The following STARD9 variants were observed in gnomAD, a reference collection of about 807,000 sequenced individuals.
STARD9 encodes StAR related lipid transfer domain containing 9, also known as stAR-related lipid transfer protein 9.
Under a neutral mutation model 399.8 loss-of-function variants are expected in STARD9, and 346 were observed. The ratio of observed to expected loss-of-function variants is 0.87; its 90% CI spans 0.79 to 0.95. The LOEUF is 0.95. Among genes scored for constraint, STARD9 ranks in the 40% least tolerant of loss-of-function variants. The pLI, the probability that STARD9 is intolerant of heterozygous loss-of-function variation, is 0.00. For synonymous variants in STARD9, 2,203 were observed against 2,143.5 expected (o/e 1.03, Z -0.77); for missense variants, 5,832 against 5,667.5 (o/e 1.03, Z -0.93).
At position 42,689,226 on chromosome 15, in the gene STARD9, G is replaced by C; in HGVS notation, c.7648G>C (p.Ala2550Pro). 6.5e-7 allele frequency: 1 copy of C among 1,537,282 alleles called. No homozygotes were observed. Among genetic ancestry groups the C allele is most frequent in the Non-Finnish European group, 8.7e-7 (1 of 1,146,924 alleles). ...CTCTGACCATGCATCCATGTGCCTG[G>C]CCATCTTGGAGGAGATCAGACAGGC... ...EPSDHASMCL[A>P]ILEEIRQAKA... The change falls in exon 23 of 33, where the codon GCC becomes CCC. Residue 2550 changes from alanine (A) to proline (P), a missense_variant. Physicochemically the swap from Ala to Pro is conservative, Grantham distance 27 (BLOSUM62 -1). Transcript: ENST00000290607.
chr15:42,718,384 G>A, intron 30 of STARD9, 51 bp from the exon 31 acceptor site: 1 of 1,450,930 alleles, frequency 6.9e-7, no homozygotes, highest in Non-Finnish European at 9.4e-7. Context: ...AAGGCTTTAG[G>A]ACTAGGTCTG....
chr15:42,661,014 T>G (rs2059984013), intron 9 of STARD9, 144 bp from the exon 10 acceptor site: 1 of 569,372 alleles, frequency 1.8e-6, no homozygotes, highest in Non-Finnish European at 3.1e-6. Flanking sequence ...TATTGAGAGC[T>G]CACCTGGTTT....
At chr15:42,612,536 A>G (rs962947853) in intron 3 of STARD9, among the ~76,000 whole-genome samples, 2 of 152,206 alleles carry the variant, frequency 1.3e-5, no homozygotes, top group Non-Finnish European at 2.9e-5. Flanking sequence ...ACAGGATTCT[A>G]ATGAATCCAT....
chr15:42,654,959 C>G (rs1296866220), intron 9 of STARD9, among the ~76,000 whole-genome samples: 1 of 151,956 alleles, frequency 6.6e-6, no homozygotes, highest in African/African-American at 2.4e-5. Flanking sequence ...AAAAAAGAGC[C>G]CACATAGCCA....
rs906801935 is a variant in STARD9, at chr15:42,665,779, T to C, written c.1255-7T>C. On this transcript the variant is annotated splice_region_variant and splice_polypyrimidine_tract_variant and intron_variant, in intron 14 of 32. Transcript: ENST00000290607. ...AAATATCAAAGCACATCTCTATCTTTGTGCAGAGAAACTTCAGTTCATTGA... is the reference window on the plus strand; with the variant it reads ...AAATATCAAAGCACATCTCTATCTTCGTGCAGAGAAACTTCAGTTCATTGA... 6.5e-7 allele frequency: 1 copy of C among 1,537,004 alleles called. No individual in the cohort carries two copies. Among genetic ancestry groups the C allele is most frequent in the Admixed American group, 2.0e-5 (1 of 50,994 alleles).
At chr15:42,641,557 G>C (rs1412846821) in intron 7 of STARD9, among the ~76,000 whole-genome samples, 1 of 141,206 alleles carries the variant, frequency 7.1e-6, no homozygotes, top group Non-Finnish European at 1.5e-5. Flanking sequence ...CCCTTCCTGT[G>C]TCCAAGTGTT....
At chr15:42,713,309 T>C (rs2061285152) in intron 26 of STARD9, among the ~76,000 whole-genome samples, 1 of 152,212 alleles carries the variant, frequency 6.6e-6, no homozygotes, top group Non-Finnish European at 1.5e-5. Flanking sequence ...GCTGAATTCA[T>C]TTATTAGTTC....
chr15:42,575,608 A>G lies in STARD9; in HGVS notation c.-108A>G. 1 of 1,257,756 alleles carries G rather than the reference A, an allele frequency of 8.0e-7. No individual in the cohort carries two copies. The highest frequency in any genetic ancestry group is 1.1e-6 in the Non-Finnish European group (1 of 918,244). The allele number at this position is 1,257,756 out of a possible 1,614,324, so 77.9% of individuals were successfully genotyped here. On this transcript the variant is annotated 5_prime_UTR_variant, in exon 1 of 33. Coordinates refer to ENST00000290607, the MANE Select transcript of STARD9 (RefSeq NM_020759.3). ...CGCGTCCGCGCGGCGGCGTCCCCAG[A>G]GGCGCGTGGGGCGGGCGGGGCTGGG...
At chr15:42,583,499 G>A in intron 2 of STARD9, 84 bp downstream of exon 2, 2 of 1,012,640 alleles carry the variant, frequency 2.0e-6, no homozygotes, top group Non-Finnish European at 3.0e-6. Context: ...GTGTATATGT[G>A]AATGTGTTTA....
At chr15:42,578,727 T>C (rs2058107315) in intron 1 of STARD9, among the ~76,000 whole-genome samples, 1 of 152,176 alleles carries the variant, frequency 6.6e-6, no homozygotes, top group African/African-American at 2.4e-5. Flanking sequence ...AAGATACTTT[T>C]CTGATTATCA....
chr15:42,605,497 C>T (rs2058708432), intron 3 of STARD9, among the ~76,000 whole-genome samples: 1 of 152,254 alleles, frequency 6.6e-6, no homozygotes, highest in Non-Finnish European at 1.5e-5. Flanking sequence ...TGCACTTAAG[C>T]CCATAAGATC....
At chr15:42,716,800 C>G (rs1042420592) in intron 27 of STARD9, 36 bp downstream of exon 27, 10 of 1,527,702 alleles carry the variant, frequency 6.5e-6, no homozygotes, top group Non-Finnish European at 8.8e-6. Flanking sequence ...AGCCAGCTGC[C>G]TGGTTTGGGG....
At chr15:42,646,856 G>A (rs1196651640) in intron 7 of STARD9, among the ~76,000 whole-genome samples, 1 of 152,176 alleles carries the variant, frequency 6.6e-6, no homozygotes, top group Non-Finnish European at 1.5e-5. Context: ...GATTTAAAAT[G>A]AGAGACTCTT....
In STARD9 at chr15:42,690,468, A is replaced by G. The variant is rs562052805; in HGVS notation, c.8890A>G (p.Thr2964Ala). The G allele has an allele frequency of 4.6e-6, 7 of 1,537,186 alleles. No individual in the cohort carries two copies. The East Asian group carries it at 7.3e-5, about 16-fold the overall frequency. Residue 2964 changes from threonine (T) to alanine (A), a missense_variant, in exon 23 of 33, where the codon ACT becomes GCT. Coordinates refer to ENST00000290607, the MANE Select transcript of STARD9 (RefSeq NM_020759.3). ...RQPCSSQPVA[T>A]HAYSSHSSTL... ...GCCATGCAGTTCTCAACCTGTTGCT[A>G]CTCATGCTTATTCCTCCCATTCCTC...
chr15:42,652,962 G>C (rs1014181559), intron 9 of STARD9, among the ~76,000 whole-genome samples: 1 of 152,160 alleles, frequency 6.6e-6, no homozygotes, highest in Non-Finnish European at 1.5e-5. Context: ...ACAGATGGGA[G>C]CCATCGTTCC....
chr15:42,593,821 G>A (rs946314683), intron 3 of STARD9, among the ~76,000 whole-genome samples: 4 of 151,168 alleles, frequency 2.6e-5, no homozygotes, highest in Admixed American at 6.6e-5. Context: ...CCGCCACCAC[G>A]CCCGGCTAAC....
chr15:42,669,419 G>A (rs2060164722), intron 16 of STARD9, 82 bp downstream of exon 16: 3 of 1,264,034 alleles, frequency 2.4e-6, no homozygotes, highest in Admixed American at 2.4e-5. Context: ...CAGCAGCCAT[G>A]TTACTGTGAA....
intron 10 of STARD9, 55 bp from the exon 11 acceptor site, chr15:42,662,739 G>A: frequency 2.6e-6 from 3 of 1,167,400 alleles, no homozygotes; most frequent in South Asian, 1.3e-5. Context: ...CAACAGCATT[G>A]TAAAGATAGT....
chr15:42,693,985 T>A lies in STARD9; in HGVS notation c.12407T>A (p.Leu4136His), dbSNP rs2060779673. ...CACCAGCACCACAGTCTGAGGGACCTCCCGGTGCATAACAAATTTAGTAAC... is the reference window on the plus strand; with the variant it reads ...CACCAGCACCACAGTCTGAGGGACCACCCGGTGCATAACAAATTTAGTAAC... ...PEHQHHSLRD[L>H]PVHNKFSNWC... The change falls in exon 23 of 33, where the codon CTC (leucine) becomes CAC (histidine). Residue 4136 changes from leucine to histidine, a missense_variant. Transcript: ENST00000290607. 6.6e-7 allele frequency: 1 copy of A among 1,511,554 alleles called. No individual in the cohort carries two copies. The highest frequency in any genetic ancestry group is 2.5e-5 in the East Asian group (1 of 40,652). The allele number at this position is 1,511,554 out of a possible 1,614,324, so 93.6% of individuals were successfully genotyped here. A position where few individuals can be genotyped will look rare whatever the true frequency, so the allele number is the denominator to read the frequency against.
Sources: allele counts gnomAD v4.1 joint callset (sites outside exome capture counted in the v4.1 genomes callset), GRCh38; gene constraint gnomAD v4.1.1; transcripts MANE v1.5; gene names NCBI Gene and HGNC (gene_info 2026-07-23, HGNC 2026-07-21).